MYO3B: variants seen among roughly 807,000 people sequenced by gnomAD.
MYO3B encodes myosin IIIB.
In MYO3B, 156 loss-of-function variants were observed where a neutral mutation model predicts 174.6. The ratio of observed to expected loss-of-function variants is 0.89; its 90% confidence interval spans 0.78 to 1.02. The LOEUF is 1.02. Ranked by LOEUF, MYO3B falls within the 50% of genes least tolerant of loss-of-function variation. MYO3B has a pLI of 0.00. For missense variants in MYO3B, 1,632 were observed against 1,639.4 expected (o/e 1.00, Z 0.08); for synonymous variants, 563 against 569.1 (o/e 0.99, Z 0.15).
At chr2:170,231,771 G>C (rs1228024769) in intron 6 of MYO3B, among the ~76,000 whole-genome samples, 2 of 152,174 alleles carry the variant, frequency 1.3e-5, no homozygotes. Flanking sequence ...ATAATGTACT[G>C]TTCACTCTAG....
rs138003140 is a variant in MYO3B, at chr2:170,367,105, T to C, written c.816-2117T>C. Among the ~76,000 whole-genome samples the C allele has an allele frequency of 1.2e-4, 19 of 152,374 alleles. No homozygotes were observed. In the East Asian group the frequency reaches 3.7e-3, roughly 29 times the overall value. ...ATTGCCTCCTTCCACCTTCAGTCTC[T>C]GCCCCTGTGTTTACTAATTTGAAGT... On this transcript the variant is annotated intron_variant, in intron 8 of 34. Coordinates refer to ENST00000408978, the MANE Select transcript of MYO3B (RefSeq NM_138995.5).
chr2:170,576,544 G>A (rs368210542), intron 32 of MYO3B, among the ~76,000 whole-genome samples: 1 of 152,348 alleles, frequency 6.6e-6, no homozygotes, highest in African/African-American at 2.4e-5. Context: ...TGGCAAAGAA[G>A]TATGATTTGT....
At chr2:170,475,410 C>T (rs1225802880) in intron 25 of MYO3B, among the ~76,000 whole-genome samples, 1 of 152,156 alleles carries the variant, frequency 6.6e-6, no homozygotes, top group Non-Finnish European at 1.5e-5. Flanking sequence ...ACCACCATGC[C>T]TGGCTAATTT....
At chr2:170,635,540 C>G (rs538577727) in intron 32 of MYO3B, among the ~76,000 whole-genome samples, 61 of 152,084 alleles carry the variant, frequency 4.0e-4, no homozygotes, top group Admixed American at 1.3e-3. Flanking sequence ...GTGCAGCAAA[C>G]CAACACAACA....
At chr2:170,601,660 C>T (rs182588690) in intron 32 of MYO3B, 1,178 of 1,394,854 alleles carry the variant, frequency 8.4e-4, no homozygotes, top group Non-Finnish European at 1.1e-3. Flanking sequence ...TCTTCATCTT[C>T]TGTCCTCCTC....
At chr2:170,408,031 C>T (rs1370936) in intron 22 of MYO3B, among the ~76,000 whole-genome samples, 187 bp downstream of exon 22, 2 of 152,076 alleles carry the variant, frequency 1.3e-5, no homozygotes, top group African/African-American at 2.4e-5. Flanking sequence ...GTGCAGCATC[C>T]GTGTGTACAC....
chr2:170,530,506 G>T (rs1451907476), intron 30 of MYO3B, among the ~76,000 whole-genome samples: 1 of 152,178 alleles, frequency 6.6e-6, no homozygotes, highest in Non-Finnish European at 1.5e-5. Context: ...GTTAATCTGA[G>T]GGGTTCTGCT....
intron 16 of MYO3B, among the ~76,000 whole-genome samples, chr2:170,396,167 A>G (rs1160523725): frequency 6.6e-6 from 1 of 152,240 alleles, no homozygotes; most frequent in South Asian, 2.1e-4. Flanking sequence ...GTAGAAATAA[A>G]AAGAGACAGC....
At chr2:170,471,835 T>A (rs1187298551) in intron 25 of MYO3B, among the ~76,000 whole-genome samples, 1 of 151,886 alleles carries the variant, frequency 6.6e-6, no homozygotes, top group Admixed American at 6.6e-5. Context: ...CTACTAAAAA[T>A]ACAAAATTAG....
intron 7 of MYO3B, among the ~76,000 whole-genome samples, chr2:170,314,707 G>A (rs541331811): frequency 6.6e-6 from 1 of 152,306 alleles, no homozygotes; most frequent in South Asian, 2.1e-4. Flanking sequence ...ATGGCTATGG[G>A]GAGAGGCAAG....
At chr2:170,469,620 C>T (rs938752204) in intron 25 of MYO3B, among the ~76,000 whole-genome samples, 1 of 152,142 alleles carries the variant, frequency 6.6e-6, no homozygotes, top group African/African-American at 2.4e-5. Context: ...CTAGGAGTCA[C>T]CTTTGACTTC....
At chr2:170,388,091 T>C (rs1158025237) in intron 14 of MYO3B, among the ~76,000 whole-genome samples, 6 of 152,044 alleles carry the variant, frequency 3.9e-5, no homozygotes, top group Non-Finnish European at 7.4e-5. Context: ...ATTATTATTA[T>C]TGTAGGACAC....
chr2:170,235,909 G>A (rs1008471557), intron 6 of MYO3B, 82 bp from the exon 7 acceptor site: 58 of 1,561,332 alleles, frequency 3.7e-5, no homozygotes, highest in Non-Finnish European at 4.9e-5. Flanking sequence ...CTGAGAACGG[G>A]GCTAAGATCA....
chr2:170,479,342 T>C (rs953099182), intron 25 of MYO3B, among the ~76,000 whole-genome samples: 1 of 147,444 alleles, frequency 6.8e-6, no homozygotes, highest in Non-Finnish European at 1.5e-5. Context: ...TGTGTGTATG[T>C]ATATAAAACC....
intron 32 of MYO3B, among the ~76,000 whole-genome samples, chr2:170,582,099 T>C (rs1272131641): frequency 6.6e-6 from 1 of 152,180 alleles, no homozygotes; most frequent in Non-Finnish European, 1.5e-5. Context: ...AAAATAAATA[T>C]CTGCAAGGGC....
intron 32 of MYO3B, among the ~76,000 whole-genome samples, chr2:170,576,325 G>A (rs1184847730): frequency 1.3e-5 from 2 of 152,196 alleles, no homozygotes; most frequent in East Asian, 1.9e-4. Context: ...TGAAGGGATT[G>A]CTGAGGCTAG....
intron 7 of MYO3B, among the ~76,000 whole-genome samples, chr2:170,330,798 A>G (rs113365947): frequency 6.6e-6 from 1 of 152,250 alleles, no homozygotes; most frequent in Non-Finnish European, 1.5e-5. Context: ...AATCAAGTCA[A>G]TACTCCTTTA....
intron 28 of MYO3B, among the ~76,000 whole-genome samples, chr2:170,510,724 A>G (rs1294362936): frequency 2.0e-5 from 3 of 150,726 alleles, no homozygotes; most frequent in Non-Finnish European, 4.4e-5. Context: ...CTTGACATCC[A>G]CCCCCCTCAC....
chr2:170,470,090 G>A (rs997668136), intron 25 of MYO3B, among the ~76,000 whole-genome samples: 10 of 84,334 alleles, frequency 1.2e-4, no homozygotes, highest in East Asian at 4.7e-4. Context: ...CAACAAGAGC[G>A]AAACTCCGTC....
Sources: gnomAD v4.1 joint callset for allele counts (sites outside exome capture counted in the v4.1 genomes callset) on GRCh38, gnomAD v4.1.1 for gene constraint, MANE v1.5 for transcripts, NCBI Gene and HGNC (gene_info 2026-07-23, HGNC 2026-07-21) for gene names.